MECOM: variants seen among roughly 807,000 people sequenced by gnomAD.
The protein encoded by MECOM is MDS1 and EVI1 complex locus, also known as histone-lysine N-methyltransferase MECOM.
Under a neutral mutation model 116.3 loss-of-function variants are expected in MECOM, and 13 were observed. The ratio of observed to expected loss-of-function variants is 0.11; its 90% CI spans 0.07 to 0.18. The LOEUF is 0.18. Ranked by LOEUF, MECOM falls within the 10% of genes least tolerant of loss-of-function variation. The pLI, the probability that MECOM is intolerant of heterozygous loss-of-function variation, is 1.00. For missense variants in MECOM, 1,299 were observed against 1,509.0 expected (o/e 0.86, Z 2.31); for synonymous variants, 528 against 535.2 (o/e 0.99, Z 0.19).
At chr3:169,570,125 T>C (rs1341753148) in intron 1 of MECOM, among the ~76,000 whole-genome samples, 2 of 151,898 alleles carry the variant, frequency 1.3e-5, no homozygotes, top group Non-Finnish European at 2.9e-5. Context: ...AAGAATCAAA[T>C]AGACACAATA....
intron 2 of MECOM, among the ~76,000 whole-genome samples, chr3:169,157,997 G>A (rs1414951160): frequency 6.6e-6 from 1 of 152,108 alleles, no homozygotes; most frequent in East Asian, 1.9e-4. Context: ...AATGACTACA[G>A]GTTTAACATT....
intron 1 of MECOM, among the ~76,000 whole-genome samples, chr3:169,595,349 T>C (rs1767012833): frequency 6.6e-6 from 1 of 152,182 alleles, no homozygotes; most frequent in South Asian, 2.1e-4. Flanking sequence ...ACCTCTATGC[T>C]TCATAAATCT....
At chr3:169,433,384 C>T (rs1741961044) in intron 1 of MECOM, among the ~76,000 whole-genome samples, 1 of 152,022 alleles carries the variant, frequency 6.6e-6, no homozygotes, top group South Asian at 2.1e-4. Flanking sequence ...AGGAGAATTG[C>T]TCAAACTCAG....
intron 1 of MECOM, among the ~76,000 whole-genome samples, chr3:169,622,172 CT>C (rs1770818229): frequency 6.6e-6 from 1 of 152,134 alleles, no homozygotes; most frequent in Non-Finnish European, 1.5e-5. Context: ...TCATTGCAAC[CT>C]CTGCTTCCTA....
chr3:169,435,902 A>C (rs1172556960), intron 1 of MECOM, among the ~76,000 whole-genome samples: 1 of 152,246 alleles, frequency 6.6e-6, no homozygotes, highest in Non-Finnish European at 1.5e-5. Flanking sequence ...ATAATGGACC[A>C]AAACGGTAAC....
At chr3:169,483,196 A>ATTTTTTTTT (rs757660718) in intron 1 of MECOM, among the ~76,000 whole-genome samples, 1 of 104,714 alleles carries the variant, frequency 9.5e-6, no homozygotes. Flanking sequence ...TTTTATTTTT[A>ATTTTTTTTT]TTTTTATTTT....
intron 2 of MECOM, among the ~76,000 whole-genome samples, chr3:169,227,177 G>C (rs961467697): frequency 6.6e-6 from 1 of 152,016 alleles, no homozygotes; most frequent in Non-Finnish European, 1.5e-5. Context: ...ATTAGCAAGA[G>C]CTCACTAATG....
chr3:169,630,773 C>T (rs190781376), intron 1 of MECOM, among the ~76,000 whole-genome samples: 1 of 152,168 alleles, frequency 6.6e-6, no homozygotes, highest in Non-Finnish European at 1.5e-5. Context: ...TCAGGTAGAA[C>T]AGCAGCATTT....
At chr3:169,249,399 C>T (rs1412208142) in intron 2 of MECOM, among the ~76,000 whole-genome samples, 1 of 152,156 alleles carries the variant, frequency 6.6e-6, no homozygotes, top group African/African-American at 2.4e-5. Context: ...CTGCTATCAA[C>T]TAAACCTACA....
intron 2 of MECOM, among the ~76,000 whole-genome samples, chr3:169,228,142 G>A (rs746100235): frequency 1.3e-5 from 2 of 152,120 alleles, no homozygotes; most frequent in African/African-American, 4.8e-5. Flanking sequence ...CAGTTTCTGT[G>A]GTTTATACTG....
intron 1 of MECOM, among the ~76,000 whole-genome samples, chr3:169,646,238 CAT>C (rs1482627132): frequency 7.0e-6 from 1 of 143,686 alleles, no homozygotes; most frequent in Admixed American, 7.7e-5. Flanking sequence ...TGTTCTCACT[CAT>C]AGGTGTGAAT....
chr3:169,591,093 G>A (rs1766349950), intron 1 of MECOM, among the ~76,000 whole-genome samples: 1 of 152,086 alleles, frequency 6.6e-6, no homozygotes, highest in Admixed American at 6.5e-5. Context: ...TTGATCCTAT[G>A]GAAAGGCACA....
rs960813916 is a variant in MECOM at position 169,455,822 on chromosome 3, T to C, written c.38-74298A>G. On this transcript the variant is annotated intron_variant, in intron 1 of 16. Coordinates refer to ENST00000651503, the MANE Select transcript of MECOM (RefSeq NM_004991.4). ...GACACCAGCCACTTCCAAACCACCA[T>C]TGGAATTGGTTTGGTTTGTCCATCA... Among the ~76,000 whole-genome samples, 5 of 152,230 alleles carry C rather than the reference T, an allele frequency of 3.3e-5. No individual in the cohort carries two copies. The East Asian group carries it at 7.7e-4, about 24-fold the overall frequency.
chr3:169,525,011 C>A (rs567454558), intron 1 of MECOM, among the ~76,000 whole-genome samples: 1 of 152,060 alleles, frequency 6.6e-6, no homozygotes, highest in South Asian at 2.1e-4. Flanking sequence ...ATTAATCTGT[C>A]CCTGATAAGA....
At chr3:169,179,018 A>G (rs1270416133) in intron 2 of MECOM, among the ~76,000 whole-genome samples, 2 of 152,224 alleles carry the variant, frequency 1.3e-5, no homozygotes, top group Non-Finnish European at 2.9e-5. Flanking sequence ...CAGAGTAATA[A>G]AACATAAATG....
chr3:169,373,968 C>T (rs771545329), intron 2 of MECOM, among the ~76,000 whole-genome samples: 6 of 151,892 alleles, frequency 4.0e-5, no homozygotes, highest in Non-Finnish European at 5.9e-5. Context: ...TGTGTGTCCT[C>T]CTAAAATCCA....
At position 169,378,532 on chromosome 3, in the gene MECOM, AAG is replaced by A. The variant is rs561147594; in HGVS notation, c.375+2653_375+2654del. Among the ~76,000 whole-genome samples the A allele has an allele frequency of 4.2e-4, 39 of 93,140 alleles. 3 individuals carry two copies. Among genetic ancestry groups the A allele is most frequent in the South Asian group, 1.5e-3 (4 of 2,640 alleles). The allele number at this position is 93,140 out of a possible 152,430, so 61.1% of individuals were successfully genotyped here. ...AAGAAAGAAAAGAAAGAAAGAAAGAAAGAAAGAAAGAAAGAAAGAAAGAAAGA... is the reference window on the plus strand; with the variant it reads ...AAGAAAGAAAAGAAAGAAAGAAAGAAAAAGAAAGAAAGAAAGAAAGAAAGA... On this transcript the variant is annotated intron_variant, in intron 2 of 16. Coordinates refer to ENST00000651503, the MANE Select transcript of MECOM (RefSeq NM_004991.4).
intron 7 of MECOM, among the ~76,000 whole-genome samples, chr3:169,119,755 C>T (rs373484874): frequency 3.3e-5 from 5 of 152,172 alleles, no homozygotes; most frequent in African/African-American, 9.6e-5. Flanking sequence ...GTCAGGAATG[C>T]CTTTTTGCGA....
chr3:169,455,406 C>T (rs977962489), intron 1 of MECOM, among the ~76,000 whole-genome samples: 2 of 152,186 alleles, frequency 1.3e-5, no homozygotes, highest in African/African-American at 2.4e-5. Flanking sequence ...AGTCTCTAAT[C>T]AGGGCTGGTG....
Sources: gnomAD v4.1 joint callset for allele counts (sites outside exome capture counted in the v4.1 genomes callset) on GRCh38, gnomAD v4.1.1 for gene constraint, MANE v1.5 for transcripts, NCBI Gene and HGNC (gene_info 2026-07-23, HGNC 2026-07-21) for gene names.